The following BAIAP2 variants were observed in gnomAD, a reference collection of about 807,000 sequenced individuals.
BAIAP2 encodes the protein BAR/IMD domain containing adaptor protein 2.
Under a neutral mutation model 63.0 loss-of-function variants are expected in BAIAP2, and 18 were observed. The ratio of observed to expected loss-of-function variants is 0.29; its 90% CI spans 0.20 to 0.42. The LOEUF is 0.42. BAIAP2 is among the 10% of genes least tolerant of loss of function. The pLI is 1.00. For synonymous variants in BAIAP2, 386 were observed against 307.6 expected (o/e 1.25, Z -2.67); for missense variants, 610 against 734.3 (o/e 0.83, Z 1.96).
chr17:81,103,451 C>T (rs778478562), intron 7 of BAIAP2, 51 bp from the exon 8 acceptor site: 11 of 1,501,660 alleles, frequency 7.3e-6, no homozygotes, highest in Admixed American at 2.0e-5. Flanking sequence ...TGCCTGGCTG[C>T]AGGAGACTGA....
At chr17:81,038,086 A>G (rs924870858) in intron 1 of BAIAP2, among the ~76,000 whole-genome samples, 4 of 152,308 alleles carry the variant, frequency 2.6e-5, no homozygotes, top group East Asian at 3.9e-4. Flanking sequence ...TTGGGAGGGC[A>G]AGGCGCGGAA....
At chr17:81,082,804 C>T (rs2054861253) in intron 3 of BAIAP2, among the ~76,000 whole-genome samples, 1 of 152,210 alleles carries the variant, frequency 6.6e-6, no homozygotes, top group African/African-American at 2.4e-5. Flanking sequence ...CGAGAGGCAG[C>T]CCTGTGTGTG....
rs772293989 is a variant in BAIAP2 at position 81,116,241 on chromosome 17, C to A, written c.*402C>A. The A allele has an allele frequency of 1.2e-6, 2 of 1,612,534 alleles. No individual in the cohort carries two copies. Among genetic ancestry groups the A allele is most frequent in the South Asian group, 1.1e-5 (1 of 91,090 alleles). On this transcript the variant is annotated 3_prime_UTR_variant, in exon 14 of 14. Coordinates refer to ENST00000428708, the MANE Select transcript of BAIAP2 (RefSeq NM_001144888.2). ...TTCTCCTGCACCAGGTGTGATCTGTCCGCCCAAGGGCCAGAAGGCCGGGAG... is the reference window on the plus strand; with the variant it reads ...TTCTCCTGCACCAGGTGTGATCTGTACGCCCAAGGGCCAGAAGGCCGGGAG...
intron 2 of BAIAP2, among the ~76,000 whole-genome samples, chr17:81,057,102 G>A (rs896432168): frequency 2.0e-5 from 3 of 152,182 alleles, no homozygotes; most frequent in African/African-American, 4.8e-5. Flanking sequence ...TGTAGAAAAC[G>A]GATTAGAAAT....
intron 6 of BAIAP2, among the ~76,000 whole-genome samples, chr17:81,090,731 C>T (rs796968866): frequency 9.2e-5 from 14 of 152,306 alleles, no homozygotes; most frequent in African/African-American, 2.4e-4. Flanking sequence ...GCTGCGTACG[C>T]GCCCCCCGAG....
In BAIAP2 at chr17:81,090,337, G is replaced by C. The variant is rs546757256; in HGVS notation, c.489+3757G>C. ...ATCAACCTTCTCACGGTGCCTGCGTGGGGGCTCTCCTGGACGGACCTCCGC... is the reference window on the plus strand; with the variant it reads ...ATCAACCTTCTCACGGTGCCTGCGTCGGGGCTCTCCTGGACGGACCTCCGC... On this transcript the variant is annotated intron_variant, in intron 6 of 13. Transcript: ENST00000428708. 7.9e-5 allele frequency among the ~76,000 whole-genome samples: 12 copies of C among 151,992 alleles called. No homozygotes were observed. In the East Asian group the frequency reaches 2.3e-3, roughly 29 times the overall value.
chr17:81,089,530 G>A (rs750864683), intron 6 of BAIAP2, among the ~76,000 whole-genome samples: 6 of 152,178 alleles, frequency 3.9e-5, no homozygotes, highest in Non-Finnish European at 7.4e-5. Context: ...GTGCCCTTTC[G>A]TGGTAAGCCA....
intron 7 of BAIAP2, among the ~76,000 whole-genome samples, chr17:81,102,468 C>A (rs1325063788): frequency 6.6e-6 from 1 of 152,148 alleles, no homozygotes; most frequent in African/African-American, 2.4e-5. Context: ...GTGGGCCGTG[C>A]CGTCTCCAGC....
At chr17:81,062,877 G>T (rs1240129847) in intron 3 of BAIAP2, among the ~76,000 whole-genome samples, 1 of 151,878 alleles carries the variant, frequency 6.6e-6, no homozygotes, top group Non-Finnish European at 1.5e-5. Context: ...CTGTGTTCAG[G>T]GCCACCTTGG....
chr17:81,038,124 C>T (rs2046546095), intron 1 of BAIAP2, among the ~76,000 whole-genome samples: 3 of 152,232 alleles, frequency 2.0e-5, no homozygotes, highest in Admixed American at 2.0e-4. Context: ...GAGCCCGGGC[C>T]CAGCGCTTGC....
intron 3 of BAIAP2, among the ~76,000 whole-genome samples, chr17:81,065,496 C>T (rs1271197067): frequency 6.6e-6 from 1 of 152,168 alleles, no homozygotes; most frequent in Non-Finnish European, 1.5e-5. Context: ...CGTGTGGGTG[C>T]CTGGGTGGAC....
chr17:81,104,023 G>T lies in BAIAP2; in HGVS notation c.981G>T (p.Pro327=), dbSNP rs148408272. ...KAAQPKSLSP[P]QSQSKLSDSY... Reference sequence around the variant, plus strand: ...CCCAGCCCAAATCCCTGTCTCCTCCGCAGTCTCAGAGCAAGCTCAGCGACT... The same window carrying T: ...CCCAGCCCAAATCCCTGTCTCCTCCTCAGTCTCAGAGCAAGCTCAGCGACT... Residue 327 remains proline, a synonymous_variant, in exon 9 of 14, where the codon CCG becomes CCT. Transcript: ENST00000428708. 3.5e-5 allele frequency: 57 copies of T among 1,613,136 alleles called. No homozygotes were observed. In the African/African-American group the frequency reaches 4.1e-4, roughly 12 times the overall value.
intron 8 of BAIAP2, 75 bp from the exon 9 acceptor site, chr17:81,103,832 C>G: frequency 6.3e-7 from 1 of 1,593,660 alleles, no homozygotes; most frequent in African/African-American, 1.3e-5. Context: ...GCTGAGGGGG[C>G]GGAGGGTTCT....
chr17:81,070,371 C>T (rs1156470734), intron 3 of BAIAP2, among the ~76,000 whole-genome samples: 1 of 152,238 alleles, frequency 6.6e-6, no homozygotes, highest in Non-Finnish European at 1.5e-5. Flanking sequence ...AGCCTTCGGG[C>T]TGGGTATTGA....
intron 13 of BAIAP2, chr17:81,109,161 A>C: frequency 7.0e-7 from 1 of 1,436,024 alleles, no homozygotes; most frequent in Non-Finnish European, 9.1e-7. Context: ...GTGATCCCCC[A>C]GGGTCCATGG....
Position 81,104,091 on chromosome 17 carries a change from A to G in BAIAP2, c.1049A>G (p.Lys350Arg). Residue 350 changes from lysine (K) to arginine (R), a missense_variant, in exon 9 of 14, where the codon AAA becomes AGA. Lys to Arg is a conservative substitution (Grantham distance 26, BLOSUM62 2). Around this residue, in one of 5 missense-constraint regions of BAIAP2, gnomAD observed 67 missense variants for 132.0 expected, o/e 0.51. Coordinates refer to ENST00000428708, the MANE Select transcript of BAIAP2 (RefSeq NM_001144888.2). ...CCCGTGCGCAAGAGCGTGACCCCAA[A>G]AAACAGCTATGCCACCAGTAAGGGC... ...TLPVRKSVTP[K>R]NSYATTENKT... is the part of the protein sequence containing the mutation. 6.2e-7 allele frequency: 1 copy of G among 1,613,260 alleles called. No individual in the cohort carries two copies. The highest frequency in any genetic ancestry group is 8.5e-7 in the Non-Finnish European group (1 of 1,179,980).
Position 81,035,173 on chromosome 17 carries a change from T to C in BAIAP2, c.-82T>C, listed in dbSNP as rs896192703. 12 of 1,212,582 alleles carry C rather than the reference T, an allele frequency of 9.9e-6. No homozygotes were observed. Among genetic ancestry groups the C allele is most frequent in the Non-Finnish European group, 1.3e-5 (12 of 900,720 alleles). 75.1% of individuals were successfully genotyped at this position (1,212,582 alleles called of 1,614,324 possible). On this transcript the variant is annotated 5_prime_UTR_variant, in exon 1 of 14. Coordinates refer to ENST00000428708, the MANE Select transcript of BAIAP2 (RefSeq NM_001144888.2). ...TCTGTGGTTCGGGTCCGCTTTCGTC[T>C]CCGTCCTGCTGCCGTTACCGCCGCT...
chr17:81,065,160 T>C (rs1273197365), intron 3 of BAIAP2, among the ~76,000 whole-genome samples: 1 of 152,208 alleles, frequency 6.6e-6, no homozygotes. Context: ...TCGGGGAGAC[T>C]GGAGTGGCCG....
At position 81,086,650 on chromosome 17, in the gene BAIAP2, G is replaced by A. The variant is rs567112212; in HGVS notation, c.489+70G>A. On this transcript the variant is annotated intron_variant, in intron 6 of 13. Transcript: ENST00000428708. ...GACTGCTCACCCCTCGGCCCCCCTC[G>A]TCCACAGGGAGTGGACAGCAGCCCC... The A allele has an allele frequency of 1.1e-4, 176 of 1,578,354 alleles. No homozygotes were observed. In the East Asian group the frequency reaches 1.4e-3, roughly 12 times the overall value.
Sources: gnomAD v4.1 joint callset for allele counts (sites outside exome capture counted in the v4.1 genomes callset) on GRCh38, gnomAD v4.1.1 for gene constraint, gnomAD v4.1.1 regional missense constraint, MANE v1.5 for transcripts, NCBI Gene and HGNC (gene_info 2026-07-23, HGNC 2026-07-21) for gene names.